Variants in NBAS observed in about 807,000 individuals in gnomAD.
NBAS encodes the protein NAG/BC035112 fusion.
In NBAS, 219 loss-of-function variants were observed where a neutral mutation model predicts 302.5. The observed-to-expected ratio is 0.72, with a 90% confidence interval of 0.65 to 0.81. The LOEUF (loss-of-function observed/expected upper bound fraction) is 0.81, where lower values mean the gene tolerates loss of function less well. NBAS is among the 30% of genes least tolerant of loss of function. NBAS has a pLI of 0.00. For missense variants in NBAS, 2,932 were observed against 2,841.6 expected, an observed-to-expected ratio of 1.03 and a Z score of -0.72; for synonymous variants, 1,118 against 1,021.6, an observed-to-expected ratio of 1.09 and a Z score of -1.80.
intron 44 of NBAS, among the ~76,000 whole-genome samples, chr2:15,267,684 A>T (rs892025293): frequency 6.6e-6 from 1 of 152,204 alleles, no homozygotes; most frequent in African/African-American, 2.4e-5. Flanking sequence ...ATATACCAAA[A>T]ATTATAAAGG....
intron 21 of NBAS, among the ~76,000 whole-genome samples, chr2:15,440,745 T>G (rs1035465764): frequency 3.3e-5 from 5 of 152,116 alleles, no homozygotes; most frequent in Non-Finnish European, 7.4e-5. Context: ...GGCAAAGAAT[T>G]TGAAAACTTT....
intron 21 of NBAS, among the ~76,000 whole-genome samples, chr2:15,454,013 A>C (rs1679138298): frequency 1.3e-5 from 2 of 152,124 alleles, no homozygotes; most frequent in Admixed American, 1.3e-4. Context: ...TCTTGACCTC[A>C]TGATGCGCCC....
At chr2:15,067,557 T>G in the NBAS span, among the ~76,000 whole-genome samples, 1 of 151,874 alleles carries the variant, frequency 6.6e-6, no homozygotes, top group Non-Finnish European at 1.5e-5. Context: ...AAGGACATTA[T>G]GTTAAGTGAC....
chr2:15,249,958 A>G (rs1668285275), intron 44 of NBAS, among the ~76,000 whole-genome samples: 2 of 152,220 alleles, frequency 1.3e-5, no homozygotes, highest in South Asian at 2.1e-4. Flanking sequence ...GTGGAAAAAA[A>G]CTACTTTAAA....
the NBAS span, among the ~76,000 whole-genome samples, chr2:15,134,056 TTCTCTCTC>T: frequency 0.093 from 13,529 of 145,576 alleles, 1,203 homozygotes; most frequent in East Asian, 0.44. Context: ...GAACATTTCT[TTCTCTCTC>T]TCTCTCTCTC....
At chr2:15,003,300 G>C in the NBAS span, among the ~76,000 whole-genome samples, 1 of 152,166 alleles carries the variant, frequency 6.6e-6, no homozygotes, top group South Asian at 2.1e-4. Flanking sequence ...GGAGTGTCTG[G>C]ATTGGTGAAG....
At chr2:15,178,260 T>C in intron 51 of NBAS, 1 of 434,048 alleles carries the variant, frequency 2.3e-6, no homozygotes, top group South Asian at 1.7e-5. Context: ...TGTGTATGTG[T>C]ATAGTGTACA....
chr2:14,956,789 C>T, the NBAS span, among the ~76,000 whole-genome samples: 1 of 152,182 alleles, frequency 6.6e-6, no homozygotes, highest in Non-Finnish European at 1.5e-5. Context: ...CTGGTCCTGC[C>T]CTTGACACGT....
In NBAS at chr2:15,186,813, C is replaced by T; in HGVS notation, c.6640G>A (p.Glu2214Lys). 6.2e-7 allele frequency: 1 copy of T among 1,613,950 alleles called. No homozygotes were observed. Among genetic ancestry groups the T allele is most frequent in the Non-Finnish European group, 8.5e-7 (1 of 1,179,982 alleles). The change falls in exon 50 of 52, where the codon GAA (glutamate) becomes AAA (lysine). Residue 2214 changes from glutamate to lysine, a missense_variant. Glu to Lys is a moderately conservative substitution (Grantham distance 56). Coordinates refer to ENST00000281513, the MANE Select transcript of NBAS (RefSeq NM_015909.4). ...MLTRCTMENK[E>K]GLGNEVLKMC... is the part of the protein sequence containing the mutation. ...TTCAAAACTTCATTCCCCAATCCTT[C>T]CTTGTTCTCCATCGTACATCTGGTT...
chr2:15,369,699 C>G (rs1342578065), intron 31 of NBAS, among the ~76,000 whole-genome samples: 5 of 152,112 alleles, frequency 3.3e-5, no homozygotes, highest in Admixed American at 3.3e-4. Flanking sequence ...AATGAATGAA[C>G]ATGAAAAAGA....
chr2:14,821,551 C>T, the NBAS span, among the ~76,000 whole-genome samples: 9 of 152,226 alleles, frequency 5.9e-5, no homozygotes, highest in East Asian at 5.8e-4. Flanking sequence ...CTATTTTCCC[C>T]GGACTAGAAC....
At chr2:15,074,360 T>G in the NBAS span, among the ~76,000 whole-genome samples, 21 of 102,576 alleles carry the variant, frequency 2.0e-4, no homozygotes, top group Admixed American at 4.2e-4. Flanking sequence ...GAAGGAAGGA[T>G]GGAAGGAAGG....
At chr2:15,254,903 G>GGTGTGT (rs111732767) in intron 44 of NBAS, among the ~76,000 whole-genome samples, 8 of 149,288 alleles carry the variant, frequency 5.4e-5, no homozygotes, top group East Asian at 3.9e-4. Context: ...TGTTCCATGG[G>GGTGTGT]GTGTGTGTGT....
At chr2:15,140,574 A>T in the NBAS span, among the ~76,000 whole-genome samples, 25 of 152,350 alleles carry the variant, frequency 1.6e-4, no homozygotes, top group South Asian at 6.2e-4. Flanking sequence ...AATTTTGTAC[A>T]GGAAAGCATT....
chr2:15,288,553 T>C (rs562627257), intron 41 of NBAS, among the ~76,000 whole-genome samples: 2 of 152,138 alleles, frequency 1.3e-5, no homozygotes, highest in Non-Finnish European at 2.9e-5. Context: ...GAAGAGTCCA[T>C]GAAAAGTTTA....
At chr2:15,560,270 T>C (rs1487935680) in intron 1 of NBAS, among the ~76,000 whole-genome samples, 1 of 151,808 alleles carries the variant, frequency 6.6e-6, no homozygotes, top group African/African-American at 2.4e-5. Context: ...AAAAATAAAA[T>C]AAAATAAACA....
At chr2:15,150,066 C>CGAAAA in the NBAS span, among the ~76,000 whole-genome samples, 1 of 64,186 alleles carries the variant, frequency 1.6e-5, no homozygotes, top group African/African-American at 4.8e-5. Flanking sequence ...AACCCTGTCT[C>CGAAAA]AAAAAAAAAA....
the NBAS span, among the ~76,000 whole-genome samples, chr2:15,073,172 A>G: frequency 6.6e-6 from 1 of 152,062 alleles, no homozygotes; most frequent in Non-Finnish European, 1.5e-5. Flanking sequence ...ATTCTTCTGT[A>G]TCTTAGCTTT....
chr2:15,023,239 T>A, the NBAS span, among the ~76,000 whole-genome samples: 1 of 152,178 alleles, frequency 6.6e-6, no homozygotes, highest in East Asian at 1.9e-4. Context: ...ACCAAGTAGC[T>A]AACTCATTTT....
Sources: gnomAD v4.1 joint callset for allele counts (sites outside exome capture counted in the v4.1 genomes callset) on GRCh38, gnomAD v4.1.1 for gene constraint, MANE v1.5 for transcripts, NCBI Gene and HGNC (gene_info 2026-07-23, HGNC 2026-07-21) for gene names.